The following SNRNP200 variants were observed in gnomAD, a reference collection of about 807,000 sequenced individuals.
SNRNP200 encodes the protein U5 small nuclear ribonucleoprotein 200 kDa helicase.
SNRNP200 carries 66 observed loss-of-function variants against 255.2 expected under a neutral mutation model. The observed-to-expected ratio is 0.26, with a 90% CI of 0.21 to 0.32. The LOEUF is 0.32. Ranked by LOEUF, SNRNP200 falls within the 10% of genes least tolerant of loss-of-function variation. The probability of loss-of-function intolerance (pLI) is 1.00; values close to 1 mark genes in which losing one functional copy is unlikely to be tolerated. For missense variants in SNRNP200, 1,585 were observed against 2,749.8 expected, an observed-to-expected ratio of 0.58 and a Z score of 9.47; for synonymous variants, 939 against 1,027.8, an observed-to-expected ratio of 0.91 and a Z score of 1.65.
Position 96,274,841 on chromosome 2 carries a change from G to T in SNRNP200, c.*171C>A, listed in dbSNP as rs1468029291. The T allele has an allele frequency of 4.1e-6, 3 of 730,872 alleles. No homozygotes were observed. In the African/African-American group the frequency reaches 5.2e-5, roughly 13 times the overall value. 45.3% of individuals were successfully genotyped at this position (730,872 alleles called of 1,614,324 possible). ...TTGACCCATGACACCTGCTGTCACT[G>T]GATCCAGAGTGAGCAAGGGAAAGGA... is the stretch of plus-strand genomic sequence containing the variant. On this transcript the variant is annotated 3_prime_UTR_variant, in exon 45 of 45. Transcript: ENST00000323853.
intron 1 of SNRNP200, 91 bp downstream of exon 1, chr2:96,305,302 C>T (rs757705251): frequency 1.2e-5 from 19 of 1,526,462 alleles, no homozygotes; most frequent in Non-Finnish European, 1.7e-5. Flanking sequence ...CGTGGCTCTC[C>T]TGTAGGCCTT....
Position 96,293,387 on chromosome 2 carries a change from T to C in SNRNP200, c.1965A>G (p.Leu655=), listed in dbSNP as rs776623502. 1 of 1,614,036 alleles carries C rather than the reference T, an allele frequency of 6.2e-7. No homozygotes were observed. Among genetic ancestry groups the C allele is most frequent in the South Asian group, 1.1e-5 (1 of 91,074 alleles). The stretch of plus-strand genomic sequence containing the variant: ...AGGTGGCTACATCTTCATAGTTGGG[T>C]AGGGTGGCACTGAGACCAATGAGTC... The part of the protein sequence containing the change: ...DVRLIGLSAT[L]PNYEDVATFL... Residue 655 remains leucine (L), a synonymous_variant, in exon 15 of 45, where the codon CTA becomes CTG. Transcript: ENST00000323853.
In SNRNP200 at chr2:96,290,856, T is replaced by C; in HGVS notation, c.2422-41A>G. 6.2e-7 allele frequency: 1 copy of C among 1,613,520 alleles called. No individual in the cohort carries two copies. Among genetic ancestry groups the C allele is most frequent in the Non-Finnish European group, 8.5e-7 (1 of 1,179,700 alleles). ...AAGGTAATGAGGAGAACAGATGCCATCACCAGGGGTTAATATCCCTGGCTT... is the reference window on the plus strand; with the variant it reads ...AAGGTAATGAGGAGAACAGATGCCACCACCAGGGGTTAATATCCCTGGCTT... On this transcript the variant is annotated intron_variant, in intron 18 of 44. Coordinates refer to ENST00000323853, the MANE Select transcript of SNRNP200 (RefSeq NM_014014.5). This position sits in a 1 kb window ranked among gnomAD's most constrained non-coding sequence, Gnocchi z 4.5.
rs1371782811 is a variant in SNRNP200 at position 96,281,908 on chromosome 2, C to A, written c.4930G>T (p.Val1644Leu). 6.2e-6 allele frequency: 10 copies of A among 1,613,928 alleles called. No homozygotes were observed. Among genetic ancestry groups the A allele is most frequent in the Middle Eastern group, 3.3e-4 (2 of 6,084 alleles). ...CAGCAGAGACTCCGAGAAGCCACCA[C>A]CACCTGGATAGCCCCTGAGCAGTAG... Reference protein sequence around the residue: ...QLFSSGAIQVVVASRSLCWGM... With the variant: ...QLFSSGAIQVLVASRSLCWGM... Residue 1644 changes from valine to leucine, a missense_variant, in exon 35 of 45, where the codon GTG becomes TTG. Physicochemically the swap from Val to Leu is conservative, Grantham distance 32. Coordinates refer to ENST00000323853, the MANE Select transcript of SNRNP200 (RefSeq NM_014014.5).
rs781032948 is a variant in SNRNP200 at position 96,303,308 on chromosome 2, G to T, written c.232C>A (p.Arg78=). 6.2e-7 allele frequency: 1 copy of T among 1,614,016 alleles called. No individual in the cohort carries two copies. The highest frequency in any genetic ancestry group is 1.7e-5 in the Admixed American group (1 of 59,998). The change falls in exon 3 of 45, where the codon CGG becomes AGG. Residue 78 remains arginine, a synonymous_variant. Transcript: ENST00000323853. ...CCCTTCATCTTGTTGATGTCATGCC[G>T]GTCCTCATCACGCTTTCTTCGCCTA... The part of the protein sequence containing the change: ...RAKRRKRDED[R]HDINKMKGYT...
In SNRNP200 at chr2:96,274,755, G is replaced by C. The variant is rs560814451; in HGVS notation, c.*257C>G. 1.7e-3 allele frequency: 902 copies of C among 533,668 alleles called. 25 individuals carry two copies. The South Asian group carries it at 0.018, about 11-fold the overall frequency. 33.1% of individuals were successfully genotyped at this position (533,668 alleles called of 1,614,324 possible). The stretch of plus-strand genomic sequence containing the variant: ...ATGGTTTCTACAAATTATTTTATTA[G>C]AATGTCAGACTCAAAAGAACTACCA... On this transcript the variant is annotated 3_prime_UTR_variant, in exon 45 of 45. Coordinates refer to ENST00000323853, the MANE Select transcript of SNRNP200 (RefSeq NM_014014.5).
chr2:96,296,787 T>C (rs933789400), intron 12 of SNRNP200, 96 bp from the exon 13 acceptor site: 1 of 1,556,916 alleles, frequency 6.4e-7, no homozygotes, highest in Non-Finnish European at 8.9e-7. Flanking sequence ...GAATAGAGCT[T>C]GTCCTGGGCA....
intron 4 of SNRNP200, 46 bp downstream of exon 4, chr2:96,301,478 C>G: frequency 1.3e-6 from 2 of 1,585,558 alleles, no homozygotes; most frequent in South Asian, 2.2e-5. Flanking sequence ...GTTTAGGGGT[C>G]AACAACAACC....
intron 21 of SNRNP200, 46 bp from the exon 22 acceptor site, chr2:96,289,425 C>G: frequency 6.2e-7 from 1 of 1,602,434 alleles, no homozygotes; most frequent in Non-Finnish European, 8.5e-7. Flanking sequence ...TTAATGAGCT[C>G]CAACCTCTAA....
In SNRNP200 at chr2:96,291,816, C is replaced by T. The variant is rs1260187237; in HGVS notation, c.2245G>A (p.Gly749Ser). The T allele has an allele frequency of 2.5e-6, 4 of 1,614,056 alleles. No individual in the cohort carries two copies. Among genetic ancestry groups the T allele is most frequent in the Non-Finnish European group, 3.4e-6 (4 of 1,180,040 alleles). ...RDMCLEKDTL[G>S]LFLREGSAST... ...GCTGAGCCCTCCCTCAGAAACAGAC[C>T]CAGAGTGTCCTTTTCTAGGCACATG... is the stretch of plus-strand genomic sequence containing the variant. The change falls in exon 17 of 45, where the codon GGT becomes AGT. Residue 749 changes from glycine to serine, a missense_variant. By Grantham distance (56) the Gly-to-Ser change is moderately conservative. Around this residue, in one of 9 missense-constraint regions of SNRNP200, gnomAD observed 140 missense variants for 274.9 expected, o/e 0.51. Transcript: ENST00000323853. This position sits in a 1 kb window ranked among gnomAD's most constrained non-coding sequence, Gnocchi z 4.2.
chr2:96,279,602 C>T (rs371668903), intron 35 of SNRNP200, 43 bp from the exon 36 acceptor site: 13 of 1,313,242 alleles, frequency 9.9e-6, no homozygotes, highest in African/African-American at 1.4e-5. Flanking sequence ...CACCTCAACA[C>T]GGAGACCATG....
In SNRNP200 at chr2:96,289,080, A is replaced by T; in HGVS notation, c.3131T>A (p.Val1044Glu). 6.2e-7 allele frequency: 1 copy of T among 1,611,168 alleles called. No individual in the cohort carries two copies. The highest frequency in any genetic ancestry group is 8.5e-7 in the Non-Finnish European group (1 of 1,178,670). The change falls in exon 23 of 45, where the codon GTG becomes GAG. Residue 1044 changes from valine to glutamate, a missense_variant. By Grantham distance (121) the Val-to-Glu change is moderately radical. Around this residue, in one of 9 missense-constraint regions of SNRNP200, gnomAD observed 719 missense variants for 1,091.1 expected, o/e 0.66. Transcript: ENST00000323853. Reference protein sequence around the residue: ...KLELQKLLERVPIPVKESIEE... With the variant: ...KLELQKLLEREPIPVKESIEE... ...AATGCTCTCCTTTACAGGGATAGGC[A>T]CCCTCTCCAGCAACTTCTGCAGCTC... is the stretch of plus-strand genomic sequence containing the variant.
At chr2:96,292,145 C>T (rs1381746560) in intron 16 of SNRNP200, among the ~76,000 whole-genome samples, 1 of 152,246 alleles carries the variant, frequency 6.6e-6, no homozygotes, top group East Asian at 1.9e-4. Context: ...CTATCTTGAA[C>T]AGCAACTTTA....
Position 96,278,104 on chromosome 2 carries a change from T to TA in SNRNP200, c.5610+132_5610+133insT. 6.5e-7 allele frequency: 1 copy of TA among 1,528,094 alleles called. No homozygotes were observed. The highest frequency in any genetic ancestry group is 9.0e-7 in the Non-Finnish European group (1 of 1,105,102). 94.7% of individuals were successfully genotyped at this position (1,528,094 alleles called of 1,614,324 possible). A position where few individuals can be genotyped will look rare whatever the true frequency, so the allele number is the denominator to read the frequency against. On this transcript the variant is annotated intron_variant, in intron 39 of 44. Transcript: ENST00000323853. This position sits in a 1 kb window ranked among gnomAD's most constrained non-coding sequence, Gnocchi z 6.9. ...GATGGAGATGGGTTTGAGGGAGGTA[T>TA]GGAGCGGGAGGACATATGGCGGGGG...
chr2:96,301,851 C>G, intron 3 of SNRNP200, 135 bp from the exon 4 acceptor site: 1 of 872,504 alleles, frequency 1.1e-6, no homozygotes, highest in Middle Eastern at 3.2e-4. Flanking sequence ...TGACCTTTCT[C>G]ATTAATGCTG....
Position 96,287,420 on chromosome 2 carries a change from G to A in SNRNP200, c.3484+19C>T. On this transcript the variant is annotated intron_variant, in intron 26 of 44. Transcript: ENST00000323853. The surrounding 1 kb of genome is among the most constrained non-coding windows in gnomAD (Gnocchi z 5.7). ...AGACACCCAGGCAGTGAGGACAAGG[G>A]CGAGAGCATCCCACACACCAATCTC... 7.7e-6 allele frequency: 12 copies of A among 1,554,322 alleles called. No homozygotes were observed. Among genetic ancestry groups the A allele is most frequent in the Non-Finnish European group, 9.8e-6 (11 of 1,125,524 alleles).
Position 96,278,640 on chromosome 2 carries a change from A to G in SNRNP200, c.5395T>C (p.Ser1799Pro). 6.2e-7 allele frequency: 1 copy of G among 1,614,206 alleles called. No individual in the cohort carries two copies. ...VEQTLSDLEQ[S>P]KCISIEDEMD... The stretch of plus-strand genomic sequence containing the variant: ...TCGTCCTCGATGCTGATGCACTTGG[A>G]CTGCTCCAGGTCACTCAGGGTCTGC... Residue 1799 changes from serine (S) to proline (P), a missense_variant, in exon 38 of 45, where the codon TCC becomes CCC. Ser to Pro is a moderately conservative substitution (Grantham distance 74). This residue lies in a region of SNRNP200 where 279 missense variants were observed against 551.2 expected (regional missense o/e 0.51). Coordinates refer to ENST00000323853, the MANE Select transcript of SNRNP200 (RefSeq NM_014014.5). This position sits in a 1 kb window ranked among gnomAD's most constrained non-coding sequence, Gnocchi z 6.9.
In SNRNP200 at chr2:96,274,941, G is replaced by A. The variant is rs1684629062; in HGVS notation, c.*71C>T. The A allele has an allele frequency of 6.3e-7, 1 of 1,586,422 alleles. No homozygotes were observed. Among genetic ancestry groups the A allele is most frequent in the Admixed American group, 1.7e-5 (1 of 59,998 alleles). On this transcript the variant is annotated 3_prime_UTR_variant, in exon 45 of 45. Transcript: ENST00000323853. ...CCCACAGACCTGGTCCCCACAACCA[G>A]GATTCCTACAATGTACACATTCCTA...
In SNRNP200 at chr2:96,277,390, G is replaced by T; in HGVS notation, c.5931+149C>A. 2.4e-6 allele frequency: 3 copies of T among 1,270,260 alleles called. No individual in the cohort carries two copies. The highest frequency in any genetic ancestry group is 1.1e-6 in the Non-Finnish European group (1 of 879,962). 78.7% of individuals were successfully genotyped at this position (1,270,260 alleles called of 1,614,324 possible). On this transcript the variant is annotated intron_variant, in intron 41 of 44. Transcript: ENST00000323853. The surrounding 1 kb of genome is among the most constrained non-coding windows in gnomAD (Gnocchi z 4.4). ...AAAGAACACAGCCCACAGTTGGCAG[G>T]CTCTCTAGCATCTCAACAGGGAGCA...
Sources: allele counts gnomAD v4.1 joint callset (sites outside exome capture counted in the v4.1 genomes callset), GRCh38; gene constraint gnomAD v4.1.1; regional missense constraint gnomAD v4.1.1; non-coding constraint Gnocchi (gnomAD v3.1); transcripts MANE v1.5; gene names NCBI Gene and HGNC (gene_info 2026-07-23, HGNC 2026-07-21).